The following CYSTM1 variants were observed in gnomAD, a reference collection of about 807,000 sequenced individuals.
The protein encoded by CYSTM1 is cysteine rich transmembrane module containing 1, also known as cysteine-rich transmembrane module-containing protein 1.
Under a neutral mutation model 13.1 loss-of-function variants are expected in CYSTM1, and 4 were observed. The observed-to-expected ratio is 0.31, with a 90% CI of 0.15 to 0.70. CYSTM1 has a LOEUF of 0.70. CYSTM1 is among the 30% of genes least tolerant of loss of function. CYSTM1 has a pLI of 0.72. For synonymous variants in CYSTM1, 36 were observed against 42.7 expected (o/e 0.84, Z 0.62); for missense variants, 96 against 121.6 (o/e 0.79, Z 0.99).
intron 2 of CYSTM1, among the ~76,000 whole-genome samples, chr5:140,206,634 G>GTT (rs1323659016): frequency 6.6e-6 from 1 of 151,016 alleles, no homozygotes. Context: ...TTGTTTGTTT[G>GTT]TTTGTTTCTT....
At chr5:140,177,194 G>A (rs1411026135) in intron 1 of CYSTM1, among the ~76,000 whole-genome samples, 2 of 152,026 alleles carry the variant, frequency 1.3e-5, no homozygotes, top group Admixed American at 6.6e-5. Context: ...ATATATTTTG[G>A]TTATATGAAG....
At chr5:140,176,181 G>C (rs1763881316) in intron 1 of CYSTM1, among the ~76,000 whole-genome samples, 1 of 152,114 alleles carries the variant, frequency 6.6e-6, no homozygotes, top group Non-Finnish European at 1.5e-5. Context: ...GGGGTAGGGG[G>C]AACACTGAGG....
chr5:140,219,978 TG>T lies in CYSTM1; in HGVS notation c.188-23326del, dbSNP rs2126666914. On this transcript the variant is annotated intron_variant, in intron 2 of 2. Transcript: ENST00000261811. This position sits in a 1 kb window ranked among gnomAD's most constrained non-coding sequence, Gnocchi z 4.1. Reference sequence around the variant, plus strand: ...AAGTAACTTCTCTCTTTTTTTTTTCTGTAACCCAGTGCCTGAAAACCAGGAG... The same window carrying T: ...AAGTAACTTCTCTCTTTTTTTTTTCTTAACCCAGTGCCTGAAAACCAGGAG... 6.6e-6 allele frequency among the ~76,000 whole-genome samples: 1 copy of T among 152,306 alleles called. No individual in the cohort carries two copies. The highest frequency in any genetic ancestry group is 1.5e-5 in the Non-Finnish European group (1 of 68,022).
chr5:140,198,237 G>T (rs976476382), intron 2 of CYSTM1, among the ~76,000 whole-genome samples: 6 of 152,228 alleles, frequency 3.9e-5, no homozygotes, highest in Admixed American at 3.9e-4. Flanking sequence ...CAGAAAGGTT[G>T]TTTCAGTTAT....
intron 1 of CYSTM1, among the ~76,000 whole-genome samples, chr5:140,176,964 G>A (rs1763895039): frequency 6.6e-6 from 1 of 151,818 alleles, no homozygotes; most frequent in South Asian, 2.1e-4. Flanking sequence ...AGCTACACGG[G>A]AGGCTGAGGC....
chr5:140,209,000 C>T (rs78996925), intron 2 of CYSTM1, among the ~76,000 whole-genome samples: 1 of 149,814 alleles, frequency 6.7e-6, no homozygotes, highest in Admixed American at 6.7e-5. Flanking sequence ...GATCACGCCA[C>T]TGCACTCCAG....
chr5:140,178,441 C>CTTTTTTTTTTTTTTTTTTTTT lies in CYSTM1; in HGVS notation c.-21+3161_-21+3181dup, dbSNP rs577709524. Among the ~76,000 whole-genome samples the CTTTTTTTTTTTTTTTTTTTTT allele has an allele frequency of 2.7e-3, 144 of 52,672 alleles. 17 individuals are homozygous for CTTTTTTTTTTTTTTTTTTTTT. Among genetic ancestry groups the CTTTTTTTTTTTTTTTTTTTTT allele is most frequent in the African/African-American group, 3.0e-3 (36 of 11,822 alleles). The allele number at this position is 52,672 out of a possible 152,430, so 34.6% of individuals were successfully genotyped here. A position where few individuals can be genotyped will look rare whatever the true frequency, so the allele number is the denominator to read the frequency against. Reference sequence around the variant, plus strand: ...TGGAAAAGCCCTATTCAAGTCCTTCCTTTTTTTTTTTTTTTTTTTTTTTTT... The same window carrying CTTTTTTTTTTTTTTTTTTTTT: ...TGGAAAAGCCCTATTCAAGTCCTTCCTTTTTTTTTTTTTTTTTTTTTTTTTTTTTTTTTTTTTTTTTTTTTT... On this transcript the variant is annotated intron_variant, in intron 1 of 2. Transcript: ENST00000261811.
intron 1 of CYSTM1, among the ~76,000 whole-genome samples, chr5:140,192,399 A>C (rs1764104644): frequency 6.6e-6 from 1 of 152,208 alleles, no homozygotes; most frequent in Non-Finnish European, 1.5e-5. Flanking sequence ...AGAAGGGTTC[A>C]TTACCTTACC....
At position 140,219,051 on chromosome 5, in the gene CYSTM1, T is replaced by TA. The variant is rs774832805; in HGVS notation, c.188-24253dup. ...TCAGTGACAAGCTGGCCAAGCCTGA[T>TA]AGAGTTCACCATGGAAGGGAGTTGT... On this transcript the variant is annotated intron_variant, in intron 2 of 2. Coordinates refer to ENST00000261811, the MANE Select transcript of CYSTM1 (RefSeq NM_032412.4). The surrounding 1 kb of genome is among the most constrained non-coding windows in gnomAD (Gnocchi z 4.1). Among the ~76,000 whole-genome samples the TA allele has an allele frequency of 6.6e-6, 1 of 152,168 alleles. No individual in the cohort carries two copies. The highest frequency in any genetic ancestry group is 1.5e-5 in the Non-Finnish European group (1 of 68,030).
At chr5:140,196,266 T>TTGC (rs1416104142) in intron 2 of CYSTM1, among the ~76,000 whole-genome samples, 1 of 152,224 alleles carries the variant, frequency 6.6e-6, no homozygotes, top group Non-Finnish European at 1.5e-5. Flanking sequence ...CTATAATTTA[T>TTGC]TGCTGTACTG....
At chr5:140,189,554 T>C (rs549857850) in intron 1 of CYSTM1, among the ~76,000 whole-genome samples, 112 of 152,362 alleles carry the variant, frequency 7.4e-4, no homozygotes, top group Non-Finnish European at 1.2e-3. Flanking sequence ...TTGAAGTCTG[T>C]TGAGTCTGCC....
chr5:140,189,775 C>T (rs909561250), intron 1 of CYSTM1, among the ~76,000 whole-genome samples: 5 of 152,126 alleles, frequency 3.3e-5, no homozygotes, highest in African/African-American at 9.7e-5. Context: ...TGGACTTACA[C>T]ACTTGTTTCA....
intron 2 of CYSTM1, among the ~76,000 whole-genome samples, chr5:140,220,491 T>C (rs888929985): frequency 6.6e-6 from 1 of 152,152 alleles, no homozygotes; most frequent in African/African-American, 2.4e-5. Context: ...TTTGTTCCAA[T>C]TGTGTTTATA....
intron 2 of CYSTM1, among the ~76,000 whole-genome samples, chr5:140,207,738 A>G (rs1351086784): frequency 6.6e-6 from 1 of 152,072 alleles, no homozygotes; most frequent in Admixed American, 6.6e-5. Context: ...GCTTTTGCAA[A>G]TGCCACTTCC....
At chr5:140,211,497 A>T (rs751416277) in intron 2 of CYSTM1, among the ~76,000 whole-genome samples, 12 of 152,188 alleles carry the variant, frequency 7.9e-5, no homozygotes, top group Non-Finnish European at 1.6e-4. Context: ...GGTCTTAGAG[A>T]AGCTATAATA....
chr5:140,220,456 A>G (rs1158197222), intron 2 of CYSTM1, among the ~76,000 whole-genome samples: 1 of 152,052 alleles, frequency 6.6e-6, no homozygotes, highest in African/African-American at 2.4e-5. Context: ...TCTCACCTTA[A>G]CTCATTGAAA....
intron 2 of CYSTM1, among the ~76,000 whole-genome samples, chr5:140,214,969 C>G (rs748321965): frequency 1.3e-5 from 2 of 152,210 alleles, no homozygotes; most frequent in Non-Finnish European, 2.9e-5. Context: ...AGGGCCCAGG[C>G]TCCAGGGCCT....
chr5:140,187,717 A>G (rs1309908819), intron 1 of CYSTM1, among the ~76,000 whole-genome samples: 1 of 152,220 alleles, frequency 6.6e-6, no homozygotes, highest in Non-Finnish European at 1.5e-5. Context: ...AAGAAAGATA[A>G]ATTGAAGGAC....
chr5:140,216,163 C>T (rs1581067780), intron 2 of CYSTM1, among the ~76,000 whole-genome samples: 2 of 151,956 alleles, frequency 1.3e-5, no homozygotes, highest in Middle Eastern at 6.8e-3. Context: ...GTTTGTGTAA[C>T]TTTATATAGT....
Sources: allele counts gnomAD v4.1 joint callset (sites outside exome capture counted in the v4.1 genomes callset), GRCh38; gene constraint gnomAD v4.1.1; non-coding constraint Gnocchi (gnomAD v3.1); transcripts MANE v1.5; gene names NCBI Gene and HGNC (gene_info 2026-07-23, HGNC 2026-07-21).